The following SHROOM3 variants were observed in gnomAD, a reference collection of about 807,000 sequenced individuals.
The protein encoded by SHROOM3 is protein Shroom3.
In SHROOM3, 47 loss-of-function variants were observed where a neutral mutation model predicts 138.6. That is an observed-to-expected ratio of 0.34 (90% CI 0.27 to 0.43). The LOEUF is 0.43. Ranked by LOEUF, SHROOM3 falls within the 20% of genes least tolerant of loss-of-function variation. SHROOM3 has a pLI of 1.00. For missense variants in SHROOM3, 2,491 were observed against 2,596.5 expected (o/e 0.96, Z 0.88); for synonymous variants, 1,062 against 1,063.3 (o/e 1.00, Z 0.02).
At chr4:76,517,413 A>G (rs748526058) in intron 1 of SHROOM3, among the ~76,000 whole-genome samples, 8 of 152,182 alleles carry the variant, frequency 5.3e-5, no homozygotes, top group Non-Finnish European at 1.2e-4. Context: ...TCCCAAATAC[A>G]GAACATCCCT....
At chr4:76,707,506 G>A (rs938564687) in intron 2 of SHROOM3, among the ~76,000 whole-genome samples, 7 of 152,108 alleles carry the variant, frequency 4.6e-5, no homozygotes, top group East Asian at 3.9e-4. Context: ...AACCATTGGC[G>A]CACCAGTGGG....
intron 5 of SHROOM3, among the ~76,000 whole-genome samples, chr4:76,748,505 A>G (rs1457491827): frequency 5.3e-5 from 8 of 152,296 alleles, no homozygotes; most frequent in South Asian, 4.1e-4. Context: ...CTCACATGTG[A>G]GTGAACTTTT....
intron 2 of SHROOM3, among the ~76,000 whole-genome samples, chr4:76,683,832 T>C (rs2110104466): frequency 6.6e-6 from 1 of 152,306 alleles, no homozygotes; most frequent in Admixed American, 6.5e-5. Context: ...AAAGAGTAAA[T>C]CATGGTTCTT....
At chr4:76,748,581 T>G (rs1721519198) in intron 5 of SHROOM3, among the ~76,000 whole-genome samples, 1 of 152,200 alleles carries the variant, frequency 6.6e-6, no homozygotes, top group Non-Finnish European at 1.5e-5. Flanking sequence ...ACTAGGAACA[T>G]TTGAGATTTT....
intron 2 of SHROOM3, among the ~76,000 whole-genome samples, chr4:76,651,124 A>AG (rs923650370): frequency 3.5e-5 from 5 of 143,830 alleles, no homozygotes; most frequent in African/African-American, 1.2e-4. Flanking sequence ...ATGTTACCAT[A>AG]GGCTGGGAAG....
intron 9 of SHROOM3, among the ~76,000 whole-genome samples, chr4:76,762,646 C>T (rs951281636): frequency 6.6e-6 from 1 of 152,224 alleles, no homozygotes; most frequent in Non-Finnish European, 1.5e-5. Context: ...GTTTGCATCA[C>T]TTTGTGAGTG....
At chr4:76,504,653 A>G (rs1337196226) in intron 1 of SHROOM3, among the ~76,000 whole-genome samples, 1 of 152,230 alleles carries the variant, frequency 6.6e-6, no homozygotes, top group Non-Finnish European at 1.5e-5. Context: ...TGTAAAAGCA[A>G]ATTACACATT....
rs79717964 is a variant in SHROOM3 at position 76,440,684 on chromosome 4, A to G, written c.168+4464A>G. Among the ~76,000 whole-genome samples, 267 of 152,274 alleles carry G rather than the reference A, an allele frequency of 1.8e-3. 5 individuals are homozygous for G. In the East Asian group the frequency reaches 0.044, roughly 25 times the overall value. On this transcript the variant is annotated intron_variant, in intron 1 of 10. Transcript: ENST00000296043. The stretch of plus-strand genomic sequence containing the variant: ...TGTGCTTTTCAAACATGGACTTCAG[A>G]ATTTAAAGGTAGGCCACTGCCCTGG...
rs78958691 is a variant in SHROOM3 at position 76,574,209 on chromosome 4, A to G, written c.323+18446A>G. Among the ~76,000 whole-genome samples the G allele has an allele frequency of 4.2e-4, 64 of 152,254 alleles. 4 individuals carry two copies. In the East Asian group the frequency reaches 9.9e-3, roughly 23 times the overall value. On this transcript the variant is annotated intron_variant, in intron 2 of 10. Transcript: ENST00000296043. ...CTCTTCTCTGTGCTTCCCTACTTCT[A>G]TAACTTCAAGCTTCTTGTCTTAGTT...
intron 1 of SHROOM3, among the ~76,000 whole-genome samples, chr4:76,465,426 G>A (rs778185816): frequency 2.0e-5 from 3 of 152,126 alleles, no homozygotes; most frequent in Non-Finnish European, 4.4e-5. Context: ...GGGTATGAAA[G>A]CCATGCCATT....
chr4:76,467,586 A>T (rs1012557759), intron 1 of SHROOM3, among the ~76,000 whole-genome samples: 1 of 152,320 alleles, frequency 6.6e-6, no homozygotes, highest in Non-Finnish European at 1.5e-5. Context: ...GCAAAGACCC[A>T]GGCTAGTGGT....
At chr4:76,695,926 C>T (rs1719713025) in intron 2 of SHROOM3, among the ~76,000 whole-genome samples, 1 of 152,216 alleles carries the variant, frequency 6.6e-6, no homozygotes, top group Admixed American at 6.5e-5. Flanking sequence ...AGACACTGGA[C>T]TGAAACCAGA....
chr4:76,734,215 A>G (rs1720964032), intron 4 of SHROOM3, among the ~76,000 whole-genome samples: 1 of 152,226 alleles, frequency 6.6e-6, no homozygotes, highest in African/African-American at 2.4e-5. Flanking sequence ...TCCGTGGAAT[A>G]ACAATCCACT....
intron 9 of SHROOM3, among the ~76,000 whole-genome samples, chr4:76,767,388 C>T (rs1722192991): frequency 6.6e-6 from 1 of 152,162 alleles, no homozygotes; most frequent in Non-Finnish European, 1.5e-5. Context: ...CTTTAAAATA[C>T]CAGCCTCTGG....
intron 3 of SHROOM3, among the ~76,000 whole-genome samples, chr4:76,720,804 GT>G (rs1025834130): frequency 2.6e-5 from 4 of 151,254 alleles, no homozygotes; most frequent in African/African-American, 9.7e-5. Context: ...TAGAGACGGG[GT>G]TTCACCATGT....
intron 1 of SHROOM3, among the ~76,000 whole-genome samples, chr4:76,531,907 C>CTT (rs11310701): frequency 0.064 from 9,201 of 143,674 alleles, 350 homozygotes; most frequent in East Asian, 0.2. Flanking sequence ...CCAAGTTGCT[C>CTT]TTTTTTTTTT....
At chr4:76,724,988 C>T (rs1188064002) in intron 3 of SHROOM3, among the ~76,000 whole-genome samples, 2 of 152,162 alleles carry the variant, frequency 1.3e-5, no homozygotes, top group African/African-American at 2.4e-5. Flanking sequence ...CATCACTTAC[C>T]TCCTATCTGT....
chr4:76,693,038 A>G (rs1290119526), intron 2 of SHROOM3, among the ~76,000 whole-genome samples: 1 of 152,246 alleles, frequency 6.6e-6, no homozygotes. Context: ...ACACAAGAGT[A>G]TACATCCCAC....
chr4:76,754,309 A>G lies in SHROOM3; in HGVS notation c.3828-2A>G. On this transcript the variant is annotated splice_acceptor_variant, in intron 6 of 10. Transcript: ENST00000296043. LOFTEE classifies it high-confidence loss of function. Reference sequence around the variant, plus strand: ...AACCCTCCTGTCTGTGTGCCGTTCCAGGTCACTCAGTTGTTCAGAAAGAGG... The same window carrying G: ...AACCCTCCTGTCTGTGTGCCGTTCCGGGTCACTCAGTTGTTCAGAAAGAGG... The G allele has an allele frequency of 6.2e-7, 1 of 1,614,112 alleles. No individual in the cohort carries two copies. The highest frequency in any genetic ancestry group is 2.2e-5 in the East Asian group (1 of 44,876).
Sources: allele counts gnomAD v4.1 joint callset (sites outside exome capture counted in the v4.1 genomes callset), GRCh38; gene constraint gnomAD v4.1.1; transcripts MANE v1.5; gene names NCBI Gene and HGNC (gene_info 2026-07-23, HGNC 2026-07-21).